The following VPS45 variants were observed in gnomAD, a reference collection of about 807,000 sequenced individuals.
VPS45 encodes the protein vacuolar protein sorting-associated protein 45.
A neutral mutation model predicts 75.9 loss-of-function variants in VPS45; 35 were observed. That is an observed-to-expected ratio of 0.46 (90% confidence interval 0.35 to 0.61). The LOEUF (loss-of-function observed/expected upper bound fraction) is 0.61. VPS45 is among the 20% of genes least tolerant of loss of function. The probability of loss-of-function intolerance (pLI) is 0.00; values close to 1 mark genes in which losing one functional copy is unlikely to be tolerated. For synonymous variants in VPS45, 220 were observed against 238.2 expected, an observed-to-expected ratio of 0.92 and a Z score of 0.70; for missense variants, 559 against 685.9, an observed-to-expected ratio of 0.81 and a Z score of 2.07.
intron 14 of VPS45, among the ~76,000 whole-genome samples, chr1:150,125,971 CCACTGCCCCTGGCCAAGCTTACATTTTT>C (rs1441754755): frequency 8.6e-5 from 13 of 152,028 alleles, no homozygotes; most frequent in Non-Finnish European, 1.3e-4. Context: ...TAGATATGAG[CCACTGCCCCTGGCCAAGCTTACATTTTT>C]AATATAAATA....
At chr1:150,076,380 A>T in intron 4 of VPS45, 68 bp downstream of exon 4, 1 of 1,302,288 alleles carries the variant, frequency 7.7e-7, no homozygotes, top group South Asian at 1.4e-5. Flanking sequence ...TCTAAAAATA[A>T]AAAATAAGGA....
chr1:150,111,788 C>T (rs189544890), intron 14 of VPS45, among the ~76,000 whole-genome samples: 2 of 152,118 alleles, frequency 1.3e-5, no homozygotes, highest in East Asian at 1.9e-4. Flanking sequence ...GGAGAAAAAA[C>T]GTTTCCATAA....
intron 13 of VPS45, among the ~76,000 whole-genome samples, chr1:150,098,677 A>T (rs1320172095): frequency 6.6e-6 from 1 of 152,264 alleles, no homozygotes; most frequent in Non-Finnish European, 1.5e-5. Flanking sequence ...TGTGGCAAGA[A>T]CACAACTTTG....
At chr1:150,116,942 C>A (rs1657965264) in intron 14 of VPS45, among the ~76,000 whole-genome samples, 1 of 152,142 alleles carries the variant, frequency 6.6e-6, no homozygotes, top group African/African-American at 2.4e-5. Context: ...GTGGATCACA[C>A]CTGTAATCCT....
At chr1:150,070,256 T>C (rs1448800964) in intron 2 of VPS45, among the ~76,000 whole-genome samples, 6 of 152,150 alleles carry the variant, frequency 3.9e-5, no homozygotes, top group Non-Finnish European at 7.3e-5. Context: ...AGATATGATA[T>C]CTGTTTTTTC....
At chr1:150,118,783 T>C (rs587643190) in intron 14 of VPS45, among the ~76,000 whole-genome samples, 97 of 152,350 alleles carry the variant, frequency 6.4e-4, no homozygotes, top group African/African-American at 2.2e-3. Context: ...TTCCAGCTAT[T>C]GTCAGCGTTG....
chr1:150,103,462 C>T (rs185639130), intron 13 of VPS45, among the ~76,000 whole-genome samples: 24 of 152,300 alleles, frequency 1.6e-4, no homozygotes, highest in African/African-American at 5.1e-4. Flanking sequence ...CCAAATGTGA[C>T]ATAGTCATCT....
intron 13 of VPS45, among the ~76,000 whole-genome samples, chr1:150,102,702 G>C (rs782018610): frequency 6.6e-6 from 1 of 152,178 alleles, no homozygotes; most frequent in Non-Finnish European, 1.5e-5. Context: ...AAAAAAATGA[G>C]ATTATGCCTT....
intron 14 of VPS45, among the ~76,000 whole-genome samples, chr1:150,128,382 A>G (rs1230014423): frequency 6.6e-6 from 1 of 152,138 alleles, no homozygotes; most frequent in East Asian, 1.9e-4. Flanking sequence ...CCTAAGTGTT[A>G]TAATAATTTA....
At chr1:150,144,484 A>AG (rs1659568130) in intron 14 of VPS45, among the ~76,000 whole-genome samples, 1 of 74 alleles carries the variant, frequency 0.014, no homozygotes, top group African/African-American at 0.062. Flanking sequence ...ATTTAATTCT[A>AG]AAAAAAAAAT....
intron 14 of VPS45, among the ~76,000 whole-genome samples, chr1:150,139,559 T>G (rs1314662575): frequency 1.6e-5 from 2 of 122,162 alleles, no homozygotes; most frequent in African/African-American, 5.1e-5. Context: ...TGAACTCTCT[T>G]TTTTTTGAGA....
chr1:150,144,421 G>T (rs1265567885), intron 14 of VPS45, among the ~76,000 whole-genome samples: 1 of 151,928 alleles, frequency 6.6e-6, no homozygotes, highest in Non-Finnish European at 1.5e-5. Context: ...AAAATTCTGG[G>T]ATCCTAAATA....
At chr1:150,080,048 G>A (rs1489740347) in intron 7 of VPS45, among the ~76,000 whole-genome samples, 1 of 152,020 alleles carries the variant, frequency 6.6e-6, no homozygotes, top group Non-Finnish European at 1.5e-5. Flanking sequence ...AAGAGCTCAT[G>A]GTCCAATTAT....
chr1:150,118,409 CCTTTTG>C (rs1658056690), intron 14 of VPS45, among the ~76,000 whole-genome samples: 1 of 151,226 alleles, frequency 6.6e-6, no homozygotes, highest in Non-Finnish European at 1.5e-5. Flanking sequence ...TGACAAATGA[CCTTTTG>C]TTTTTTTGGG....
chr1:150,134,939 G>A (rs2101653730), intron 14 of VPS45, among the ~76,000 whole-genome samples: 1 of 152,292 alleles, frequency 6.6e-6, no homozygotes, highest in Non-Finnish European at 1.5e-5. Flanking sequence ...TATTTATTGA[G>A]TGGCTGCCTT....
chr1:150,079,658 C>T (rs1274920332), intron 7 of VPS45, among the ~76,000 whole-genome samples: 11 of 152,188 alleles, frequency 7.2e-5, no homozygotes, highest in South Asian at 2.1e-4. Flanking sequence ...GTGATCTGCC[C>T]GACTCGGCCT....
At chr1:150,074,365 T>G (rs1275319520) in intron 3 of VPS45, among the ~76,000 whole-genome samples, 1 of 151,332 alleles carries the variant, frequency 6.6e-6, no homozygotes, top group Non-Finnish European at 1.5e-5. Context: ...GAGCTGGAAC[T>G]GCAAAAAAAA....
intron 14 of VPS45, among the ~76,000 whole-genome samples, chr1:150,141,639 T>C (rs1659396734): frequency 6.6e-6 from 1 of 152,118 alleles, no homozygotes; most frequent in African/African-American, 2.4e-5. Flanking sequence ...CTTCTATACA[T>C]GGAGTCAGGA....
intron 14 of VPS45, among the ~76,000 whole-genome samples, chr1:150,139,555 C>T (rs1258074458): frequency 2.7e-5 from 4 of 145,900 alleles, no homozygotes; most frequent in African/African-American, 1.0e-4. Flanking sequence ...TTGATGAACT[C>T]TCTTTTTTTT....
Sources: allele counts gnomAD v4.1 joint callset (sites outside exome capture counted in the v4.1 genomes callset), GRCh38; gene constraint gnomAD v4.1.1; transcripts MANE v1.5; gene names NCBI Gene and HGNC (gene_info 2026-07-23, HGNC 2026-07-21).